Variants in BACE1 observed in about 807,000 individuals in gnomAD.
BACE1 encodes the protein beta-secretase 1.
BACE1 carries 21 observed loss-of-function variants against 54.0 expected under a neutral mutation model. The observed-to-expected ratio is 0.39, with a 90% CI of 0.28 to 0.56. The LOEUF (loss-of-function observed/expected upper bound fraction) is 0.56. BACE1 is among the 20% of genes least tolerant of loss of function. The pLI, the probability that BACE1 is intolerant of heterozygous loss-of-function variation, is 0.63. For missense variants in BACE1, 511 were observed against 661.2 expected, an observed-to-expected ratio of 0.77 and a Z score of 2.49; for synonymous variants, 232 against 260.9, an observed-to-expected ratio of 0.89 and a Z score of 1.07.
rs1352509134 is a variant in BACE1, at chr11:117,287,292, C to T, written c.*2274G>A. ...CCCCTGTTCTCCCTTCTCCCTCTGT[C>T]CACTGGCCTGCAATGATAAAAGACA... On this transcript the variant is annotated 3_prime_UTR_variant, in exon 9 of 9. Transcript: ENST00000313005. 6.6e-6 allele frequency: 1 copy of T among 152,566 alleles called. No homozygotes were observed. Among genetic ancestry groups the T allele is most frequent in the Admixed American group, 6.5e-5 (1 of 15,276 alleles). 9.5% of individuals were successfully genotyped at this position (152,566 alleles called of 1,614,324 possible).
In BACE1 at chr11:117,308,765, A is replaced by T. The variant is rs538837433; in HGVS notation, c.261+6770T>A. On this transcript the variant is annotated intron_variant, in intron 1 of 8. Transcript: ENST00000313005. The stretch of plus-strand genomic sequence containing the variant: ...GGAGTTTGAAACCAGCCTGGCCAAC[A>T]TGGTGAAACCCCCATCTCTACTAAA... Among the ~76,000 whole-genome samples, 33 of 152,114 alleles carry T rather than the reference A, an allele frequency of 2.2e-4. No individual in the cohort carries two copies. In the South Asian group the frequency reaches 6.9e-3, roughly 32 times the overall value.
At chr11:117,303,338 C>T (rs951885803) in intron 1 of BACE1, among the ~76,000 whole-genome samples, 1 of 152,130 alleles carries the variant, frequency 6.6e-6, no homozygotes, top group Non-Finnish European at 1.5e-5. Flanking sequence ...AACAAACAAA[C>T]GTGTCCCTGG....
At chr11:117,291,155 AAT>A in intron 6 of BACE1, 106 bp from the exon 7 acceptor site, 1 of 1,415,918 alleles carries the variant, frequency 7.1e-7, no homozygotes, top group Non-Finnish European at 9.6e-7. Context: ...TTTCCAGTGA[AAT>A]ATCTAAAGTG....
At chr11:117,296,615 C>T (rs2034606846) in intron 2 of BACE1, among the ~76,000 whole-genome samples, 1 of 152,156 alleles carries the variant, frequency 6.6e-6, no homozygotes, top group African/African-American at 2.4e-5. Context: ...CTTCCTTTCC[C>T]TCCCACAGGA....
rs549692327 is a variant in BACE1, at chr11:117,287,051, A to T, written c.*2515T>A. 1.1e-4 allele frequency: 16 copies of T among 152,342 alleles called. No homozygotes were observed. Among genetic ancestry groups the T allele is most frequent in the African/African-American group, 3.8e-4 (16 of 41,566 alleles). The allele number at this position is 152,342 out of a possible 1,614,324, so 9.4% of individuals were successfully genotyped here. A position where few individuals can be genotyped will look rare whatever the true frequency, so the allele number is the denominator to read the frequency against. On this transcript the variant is annotated 3_prime_UTR_variant, in exon 9 of 9. Coordinates refer to ENST00000313005, the MANE Select transcript of BACE1 (RefSeq NM_012104.6). ...TAGAAATTGAAAATGAGTGTAAAGC[A>T]TATTGTTTCTTTTCCAAAATCCTTT...
At chr11:117,306,888 A>G (rs1228195073) in intron 1 of BACE1, among the ~76,000 whole-genome samples, 3 of 152,208 alleles carry the variant, frequency 2.0e-5, no homozygotes, top group Admixed American at 1.3e-4. Flanking sequence ...CCCAGCCTAC[A>G]GTGCGCAGCA....
In BACE1 at chr11:117,291,738, C is replaced by T. The variant is rs767280509; in HGVS notation, c.916G>A (p.Val306Ile). The T allele has an allele frequency of 2.5e-6, 4 of 1,613,396 alleles. No homozygotes were observed. The highest frequency in any genetic ancestry group is 2.2e-5 in the South Asian group (2 of 91,088). Residue 306 changes from valine to isoleucine, a missense_variant, in exon 6 of 9, where the codon GTC becomes ATC. Coordinates refer to ENST00000313005, the MANE Select transcript of BACE1 (RefSeq NM_012104.6). ...GAGGAGGCTGCCTTGATGGATTTGA[C>T]TGCAGCTTCAAACACTTTCTTGGGC... is the stretch of plus-strand genomic sequence containing the variant. ...RLPKKVFEAAVKSIKAASSTE... is the reference protein window; with the variant it reads ...RLPKKVFEAAIKSIKAASSTE...
In BACE1 at chr11:117,293,532, C is replaced by T; in HGVS notation, c.705+339G>A. ...CTCTGCTTATTGGAGAACCATTCACCATTGTTCTAATTAATTAATAAATAG... is the reference window on the plus strand; with the variant it reads ...CTCTGCTTATTGGAGAACCATTCACTATTGTTCTAATTAATTAATAAATAG... On this transcript the variant is annotated intron_variant, in intron 4 of 8. Transcript: ENST00000313005. This position sits in a 1 kb window ranked among gnomAD's most constrained non-coding sequence, Gnocchi z 4.1. 1 of 274,520 alleles carries T rather than the reference C, an allele frequency of 3.6e-6. No homozygotes were observed. The highest frequency in any genetic ancestry group is 5.0e-5 in the Admixed American group (1 of 19,884). The allele number at this position is 274,520 out of a possible 1,614,324, so 17.0% of individuals were successfully genotyped here.
At chr11:117,307,054 CCTCATTCTCCCCAGCACAGCCCAGCT>C (rs2034846768) in intron 1 of BACE1, among the ~76,000 whole-genome samples, 1 of 152,094 alleles carries the variant, frequency 6.6e-6, no homozygotes, top group Non-Finnish European at 1.5e-5. Flanking sequence ...CTGCTGATTT[CCTCATTCTCCCCAGCACAGCCCAGCT>C]CTCCTATTTT....
chr11:117,293,297 C>G lies in BACE1; in HGVS notation c.706-109G>C. On this transcript the variant is annotated intron_variant, in intron 4 of 8. Transcript: ENST00000313005. The surrounding 1 kb of genome is among the most constrained non-coding windows in gnomAD (Gnocchi z 4.1). ...TTTCTTGGGGTGGCAAGGTCTTCTA[C>G]AGGCTACCCTTTTCATCTTCCTGCT... is the stretch of plus-strand genomic sequence containing the variant. 1.7e-6 allele frequency: 2 copies of G among 1,155,528 alleles called. No individual in the cohort carries two copies. The highest frequency in any genetic ancestry group is 2.4e-6 in the Non-Finnish European group (2 of 820,662). 71.6% of individuals were successfully genotyped at this position (1,155,528 alleles called of 1,614,324 possible). A position where few individuals can be genotyped will look rare whatever the true frequency, so the allele number is the denominator to read the frequency against.
At chr11:117,294,885 CA>C (rs879761014) in intron 3 of BACE1, among the ~76,000 whole-genome samples, 40 of 139,248 alleles carry the variant, frequency 2.9e-4, no homozygotes, top group Non-Finnish European at 3.0e-4. Context: ...AACTCCGTCT[CA>C]AAAAAAAAAA....
At chr11:117,314,204 AGCGT>A (rs1329210837) in intron 1 of BACE1, among the ~76,000 whole-genome samples, 11 of 152,192 alleles carry the variant, frequency 7.2e-5, no homozygotes, top group Non-Finnish European at 8.8e-5. Flanking sequence ...GATATCATCT[AGCGT>A]TCTGTTTGCT....
intron 2 of BACE1, chr11:117,295,708 C>T (rs2034582180): frequency 1.2e-5 from 17 of 1,474,246 alleles, no homozygotes; most frequent in Admixed American, 4.6e-5. Context: ...TCAAGCTCCC[C>T]GAGAAAAGGA....
At chr11:117,295,599 A>G (rs949027761) in intron 2 of BACE1, 1 of 1,535,470 alleles carries the variant, frequency 6.5e-7, no homozygotes, top group African/African-American at 1.4e-5. Context: ...TCTTGAGCTC[A>G]GGCCCTGTGA....
intron 1 of BACE1, among the ~76,000 whole-genome samples, chr11:117,311,816 T>A (rs1234215150): frequency 6.6e-6 from 1 of 152,160 alleles, no homozygotes; most frequent in Non-Finnish European, 1.5e-5. Flanking sequence ...AATTTTTGTA[T>A]TTTTAGTAGA....
intron 1 of BACE1, among the ~76,000 whole-genome samples, chr11:117,299,300 C>G (rs28989489): frequency 0.042 from 6,410 of 152,266 alleles, 448 homozygotes; most frequent in African/African-American, 0.14. Flanking sequence ...TCCTCTGCCC[C>G]AGGGGCCTTC....
chr11:117,293,507 C>A lies in BACE1; in HGVS notation c.706-319G>T. The A allele has an allele frequency of 3.6e-6, 1 of 278,288 alleles. No homozygotes were observed. The highest frequency in any genetic ancestry group is 6.6e-6 in the Non-Finnish European group (1 of 152,230). The allele number at this position is 278,288 out of a possible 1,614,324, so 17.2% of individuals were successfully genotyped here. On this transcript the variant is annotated intron_variant, in intron 4 of 8. Transcript: ENST00000313005. The surrounding 1 kb of genome is among the most constrained non-coding windows in gnomAD (Gnocchi z 4.1). The stretch of plus-strand genomic sequence containing the variant: ...TTGTTTATATTATAAGTTTTATTTT[C>A]TCTGCTTATTGGAGAACCATTCACC...
At position 117,315,652 on chromosome 11, in the gene BACE1, G is replaced by A; in HGVS notation, c.144C>T (p.Asp48=). The part of the protein sequence containing the change: ...PLGLRLPRET[D]EEPEEPGRRG... ...TCCGGCCGGGCTCCTCGGGCTCTTC[G>A]TCGGTCTCCCGGGGCAGCCGCAGCC... Residue 48 remains aspartate, a synonymous_variant, in exon 1 of 9, where the codon GAC becomes GAT. Transcript: ENST00000313005. The surrounding 1 kb of genome is among the most constrained non-coding windows in gnomAD (Gnocchi z 5.5). 1 of 1,575,108 alleles carries A rather than the reference G, an allele frequency of 6.3e-7. No homozygotes were observed.
At chr11:117,304,567 TG>T (rs949087552) in intron 1 of BACE1, among the ~76,000 whole-genome samples, 3 of 152,226 alleles carry the variant, frequency 2.0e-5, no homozygotes, top group Admixed American at 1.3e-4. Flanking sequence ...AGGCTTCTTG[TG>T]AAGTTTCCCG....
Sources: allele counts gnomAD v4.1 joint callset (sites outside exome capture counted in the v4.1 genomes callset), GRCh38; gene constraint gnomAD v4.1.1; non-coding constraint Gnocchi (gnomAD v3.1); transcripts MANE v1.5; gene names NCBI Gene and HGNC (gene_info 2026-07-23, HGNC 2026-07-21).